LCOR: variants seen among roughly 807,000 people sequenced by gnomAD.
LCOR encodes ligand-dependent corepressor.
Under a neutral mutation model 64.4 loss-of-function variants are expected in LCOR, and 14 were observed. The observed-to-expected ratio is 0.22, with a 90% confidence interval of 0.14 to 0.34. The LOEUF (loss-of-function observed/expected upper bound fraction) is 0.34, where lower values mean the gene tolerates loss of function less well. Ranked by LOEUF, LCOR falls within the 10% of genes least tolerant of loss-of-function variation. The probability of loss-of-function intolerance (pLI) is 1.00; values close to 1 mark genes in which losing one functional copy is unlikely to be tolerated. For missense variants in LCOR, 1,686 were observed against 1,765.3 expected (o/e 0.96, Z 0.80); for synonymous variants, 643 against 642.5 (o/e 1.00, Z -0.01).
chr10:96,923,683 A>C (rs551665975), intron 4 of LCOR, among the ~76,000 whole-genome samples: 6 of 152,220 alleles, frequency 3.9e-5, no homozygotes, highest in Non-Finnish European at 5.9e-5. Flanking sequence ...TATTGCCTTA[A>C]GGACTAGATT....
Position 96,985,702 on chromosome 10 carries a change from A to G in LCOR, c.*568A>G, listed in dbSNP as rs1848143337. The G allele has an allele frequency of 6.0e-6, 1 of 166,730 alleles. No individual in the cohort carries two copies. The highest frequency in any genetic ancestry group is 2.4e-5 in the African/African-American group (1 of 41,456). 10.3% of individuals were successfully genotyped at this position (166,730 alleles called of 1,614,324 possible). On this transcript the variant is annotated 3_prime_UTR_variant, in exon 8 of 8. Transcript: ENST00000421806. ...GTATGCAGAGGATTTATAATTATAA[A>G]AGATTACTATTTCTGTTACCCCCTT...
In LCOR at chr10:96,907,255, A is replaced by T; in HGVS notation, c.-329-10A>T. 1.0e-6 allele frequency: 1 copy of T among 958,456 alleles called. No individual in the cohort carries two copies. The highest frequency in any genetic ancestry group is 1.2e-6 in the Non-Finnish European group (1 of 805,140). The allele number at this position is 958,456 out of a possible 1,614,324, so 59.4% of individuals were successfully genotyped here. A position where few individuals can be genotyped will look rare whatever the true frequency, so the allele number is the denominator to read the frequency against. On this transcript the variant is annotated splice_polypyrimidine_tract_variant and intron_variant, in intron 2 of 7. Transcript: ENST00000421806. ...TATTGTGGTAATGGATTTTGTTTTT[A>T]TCCTTTCAGGGTTTGAAAGTATTCT...
chr10:96,963,926 A>G (rs1847919652), intron 7 of LCOR: 1 of 152,234 alleles, frequency 6.6e-6, no homozygotes, highest in Admixed American at 6.5e-5. Flanking sequence ...ACAACAAAAC[A>G]GGAACCCCCT....
chr10:96,912,351 GT>G (rs967471524), intron 4 of LCOR, among the ~76,000 whole-genome samples: 3 of 152,192 alleles, frequency 2.0e-5, no homozygotes, highest in Non-Finnish European at 2.9e-5. Context: ...ATGTTAGCAT[GT>G]TATGTAACCA....
At chr10:96,848,677 C>CA (rs1270770608) in intron 2 of LCOR, among the ~76,000 whole-genome samples, 1 of 151,870 alleles carries the variant, frequency 6.6e-6, no homozygotes, top group African/African-American at 2.4e-5. Flanking sequence ...AACAAAACAA[C>CA]AAAAAATAAA....
At chr10:96,908,629 C>T (rs888645525) in intron 4 of LCOR, among the ~76,000 whole-genome samples, 7 of 151,644 alleles carry the variant, frequency 4.6e-5, no homozygotes, top group Admixed American at 6.6e-5. Flanking sequence ...TTGTTGGAAA[C>T]ATTTATTAAT....
chr10:96,937,734 GAA>G (rs1431082553), intron 4 of LCOR, among the ~76,000 whole-genome samples: 1 of 152,152 alleles, frequency 6.6e-6, no homozygotes, highest in Non-Finnish European at 1.5e-5. Flanking sequence ...GGAGAAGAGA[GAA>G]GACGTCCTTA....
At chr10:96,957,552 A>G (rs1295172176) in intron 7 of LCOR, 1 of 985,240 alleles carries the variant, frequency 1.0e-6, no homozygotes, top group Non-Finnish European at 1.2e-6. Flanking sequence ...ATGCTTAACC[A>G]AAAACAAACA....
chr10:96,893,591 G>A (rs909373832), intron 2 of LCOR, among the ~76,000 whole-genome samples: 8 of 151,716 alleles, frequency 5.3e-5, no homozygotes, highest in African/African-American at 9.7e-5. Flanking sequence ...GGCGAAACCC[G>A]GTCTCTACTA....
At chr10:96,930,983 GACAA>G (rs1287704509) in intron 4 of LCOR, among the ~76,000 whole-genome samples, 17 of 152,088 alleles carry the variant, frequency 1.1e-4, no homozygotes, top group Admixed American at 6.6e-5. Context: ...AAATGGGCTA[GACAA>G]ACTCCATATT....
At chr10:96,900,866 CTT>C (rs139940073) in intron 2 of LCOR, among the ~76,000 whole-genome samples, 114 of 141,336 alleles carry the variant, frequency 8.1e-4, no homozygotes, top group African/African-American at 2.8e-3. Flanking sequence ...GCTTCGTAGG[CTT>C]TTTTTTTTTT....
Position 96,984,207 on chromosome 10 carries a change from G to C in LCOR, c.3747G>C (p.Lys1249Asn). 6.2e-7 allele frequency: 1 copy of C among 1,614,054 alleles called. No homozygotes were observed. Residue 1249 changes from lysine (K) to asparagine (N), a missense_variant, in exon 8 of 8, where the codon AAG (lysine) becomes AAC (asparagine). By Grantham distance (94) the Lys-to-Asn change is moderately conservative (BLOSUM62 0). Around this residue, in one of 3 missense-constraint regions of LCOR, gnomAD observed 1,293 missense variants for 1,410.4 expected, o/e 0.92. Transcript: ENST00000421806. ...AATTTCCTGGAGCTACCCCTGCTAA[G>C]AATAATTGGAAAATGCAGAAGCTCT... is the stretch of plus-strand genomic sequence containing the variant. The part of the protein sequence containing the change: ...LKKFPGATPA[K>N]NNWKMQKLWA...
chr10:96,868,285 T>C (rs962421824), intron 2 of LCOR, among the ~76,000 whole-genome samples: 5 of 151,168 alleles, frequency 3.3e-5, no homozygotes, highest in Admixed American at 1.3e-4. Flanking sequence ...TTTCTTTTTT[T>C]TTTTTTTGAG....
chr10:96,861,861 C>T (rs1845893166), intron 2 of LCOR, among the ~76,000 whole-genome samples: 2 of 152,156 alleles, frequency 1.3e-5, no homozygotes, highest in African/African-American at 4.8e-5. Context: ...TCAATTCCAA[C>T]ACTATCTACC....
At chr10:96,878,814 C>T (rs1247676384) in intron 2 of LCOR, among the ~76,000 whole-genome samples, 3 of 152,006 alleles carry the variant, frequency 2.0e-5, no homozygotes, top group African/African-American at 7.3e-5. Flanking sequence ...TCCCCTCTTC[C>T]GACAGTGTCT....
At chr10:96,861,469 G>A (rs951887379) in intron 2 of LCOR, among the ~76,000 whole-genome samples, 7 of 152,096 alleles carry the variant, frequency 4.6e-5, no homozygotes, top group Non-Finnish European at 4.4e-5. Context: ...GTGACCAAAC[G>A]TGGGTTTTTT....
chr10:96,892,015 A>G (rs1331169700), intron 2 of LCOR, among the ~76,000 whole-genome samples: 1 of 152,162 alleles, frequency 6.6e-6, no homozygotes, highest in Non-Finnish European at 1.5e-5. Context: ...TTGTGGTCTA[A>G]CGTGTTGCCC....
intron 2 of LCOR, among the ~76,000 whole-genome samples, chr10:96,862,842 CT>C (rs1210791921): frequency 5.9e-5 from 9 of 151,308 alleles, no homozygotes; most frequent in Non-Finnish European, 1.2e-4. Flanking sequence ...TCACAAGTAT[CT>C]TTTTTAAAGT....
chr10:96,917,509 T>A (rs1057389530), intron 4 of LCOR, among the ~76,000 whole-genome samples: 1 of 152,180 alleles, frequency 6.6e-6, no homozygotes, highest in East Asian at 1.9e-4. Context: ...CAAGAAAATA[T>A]AAGTACTGTA....
Sources: gnomAD v4.1 joint callset for allele counts (sites outside exome capture counted in the v4.1 genomes callset) on GRCh38, gnomAD v4.1.1 for gene constraint, gnomAD v4.1.1 regional missense constraint, MANE v1.5 for transcripts, NCBI Gene and HGNC (gene_info 2026-07-23, HGNC 2026-07-21) for gene names.